Variants in INTS9 observed in about 807,000 individuals in gnomAD.
INTS9 encodes protein related to CPSF subunits of 74 kDa.
INTS9 carries 55 observed loss-of-function variants against 79.7 expected under a neutral mutation model. That is an observed-to-expected ratio of 0.69 (90% CI 0.56 to 0.86). The LOEUF is 0.86. Ranked by LOEUF, INTS9 falls within the 40% of genes least tolerant of loss-of-function variation. The pLI is 0.00. For synonymous variants in INTS9, 319 were observed against 325.2 expected (o/e 0.98, Z 0.20); for missense variants, 721 against 831.5 (o/e 0.87, Z 1.64).
chr8:28,850,380 T>C (rs1204456969), intron 2 of INTS9, 107 bp from the exon 3 acceptor site: 1 of 753,312 alleles, frequency 1.3e-6, no homozygotes, highest in African/African-American at 1.8e-5. Context: ...TTAAAATTAC[T>C]GGCAGTAGTT....
At chr8:28,877,056 C>A (rs1279315211) in intron 1 of INTS9, among the ~76,000 whole-genome samples, 1 of 151,982 alleles carries the variant, frequency 6.6e-6, no homozygotes, top group Non-Finnish European at 1.5e-5. Flanking sequence ...AATAAAAACA[C>A]AAAAAGGATT....
chr8:28,888,126 G>C (rs941444949), intron 1 of INTS9, among the ~76,000 whole-genome samples: 2 of 152,160 alleles, frequency 1.3e-5, no homozygotes, highest in African/African-American at 2.4e-5. Flanking sequence ...TTTCATGGAA[G>C]GCCCTGGCTT....
In INTS9 at chr8:28,860,018, C is replaced by T. The variant is rs138508773; in HGVS notation, c.10-455G>A. On this transcript the variant is annotated intron_variant, in intron 1 of 16. Coordinates refer to ENST00000521022, the MANE Select transcript of INTS9 (RefSeq NM_018250.4). ...ATAAGTGACCTTCCTCAAAGAGGAA[C>T]TGGTTAGAAAGGTTAACTAACAAGC... is the stretch of plus-strand genomic sequence containing the variant. Among the ~76,000 whole-genome samples the T allele has an allele frequency of 2.7e-3, 408 of 151,098 alleles. 1 individual carries two copies. The highest frequency in any genetic ancestry group is 9.8e-3 in the African/African-American group (397 of 40,386).
At chr8:28,796,055 A>G (rs906503499) in intron 9 of INTS9, among the ~76,000 whole-genome samples, 3 of 152,228 alleles carry the variant, frequency 2.0e-5, no homozygotes, top group African/African-American at 7.2e-5. Flanking sequence ...CATGCCGGAA[A>G]TCCCAGCATT....
At chr8:28,769,823 G>T in intron 16 of INTS9, 66 bp downstream of exon 16, 2 of 1,586,440 alleles carry the variant, frequency 1.3e-6, no homozygotes, top group East Asian at 4.5e-5. Context: ...CAGCCAGGGG[G>T]CCATAGTGAG....
chr8:28,800,251 T>C (rs962280904), intron 8 of INTS9, among the ~76,000 whole-genome samples: 2 of 152,122 alleles, frequency 1.3e-5, no homozygotes, highest in Non-Finnish European at 2.9e-5. Context: ...AACGTCAGAA[T>C]TTCACACTGG....
intron 6 of INTS9, among the ~76,000 whole-genome samples, chr8:28,832,435 T>C (rs182871298): frequency 6.6e-6 from 1 of 152,294 alleles, no homozygotes; most frequent in African/African-American, 2.4e-5. Context: ...CAGGAGAAAG[T>C]GTGCACAGAT....
intron 6 of INTS9, among the ~76,000 whole-genome samples, chr8:28,829,025 A>C (rs2131142615): frequency 6.6e-6 from 1 of 152,296 alleles, no homozygotes; most frequent in East Asian, 1.9e-4. Context: ...GCCACATTTT[A>C]AGTTGTAAGT....
chr8:28,880,861 G>A, intron 1 of INTS9, among the ~76,000 whole-genome samples: 5 of 148,162 alleles, frequency 3.4e-5, no homozygotes, highest in Admixed American at 3.3e-4. Flanking sequence ...GAGCGTCTCT[G>A]CCCGGCCGCC....
At chr8:28,782,829 C>T (rs922673304) in intron 11 of INTS9, among the ~76,000 whole-genome samples, 2 of 152,040 alleles carry the variant, frequency 1.3e-5, no homozygotes, top group African/African-American at 4.8e-5. Flanking sequence ...GATTGCAACG[C>T]TGTATTCTGG....
At chr8:28,851,308 A>C (rs1807817310) in intron 2 of INTS9, among the ~76,000 whole-genome samples, 1 of 152,082 alleles carries the variant, frequency 6.6e-6, no homozygotes, top group Non-Finnish European at 1.5e-5. Flanking sequence ...GTCAACACAA[A>C]AGCATAAATA....
intron 1 of INTS9, among the ~76,000 whole-genome samples, chr8:28,880,383 C>T (rs28570670): frequency 6.6e-6 from 1 of 152,046 alleles, no homozygotes; most frequent in African/African-American, 2.4e-5. Flanking sequence ...CTCAGCCTGC[C>T]GAGTGCCTGC....
intron 12 of INTS9, among the ~76,000 whole-genome samples, chr8:28,779,925 G>C (rs1044905477): frequency 1.3e-5 from 2 of 152,122 alleles, no homozygotes; most frequent in African/African-American, 4.8e-5. Flanking sequence ...CATGTGCCGG[G>C]TTCTGTGCCT....
chr8:28,778,073 G>T, intron 12 of INTS9, 120 bp from the exon 13 acceptor site: 2 of 1,117,792 alleles, frequency 1.8e-6, no homozygotes, highest in South Asian at 3.6e-5. Context: ...GAGCCAGGAA[G>T]CACACGTGGG....
chr8:28,862,332 C>T (rs1808505472), intron 1 of INTS9: 4 of 613,424 alleles, frequency 6.5e-6, no homozygotes, highest in African/African-American at 2.0e-5. Flanking sequence ...TTTTAGTATT[C>T]ACACTGCTGT....
In INTS9 at chr8:28,792,048, G is replaced by T. The variant is rs137879607; in HGVS notation, c.1037+1759C>A. On this transcript the variant is annotated intron_variant, in intron 10 of 16. Coordinates refer to ENST00000521022, the MANE Select transcript of INTS9 (RefSeq NM_018250.4). ...TAATGGAGAAATGTACTTTACCACA[G>T]AGTACAATTATAAGTGAGGCTGCAG... Among the ~76,000 whole-genome samples, 272 of 152,322 alleles carry T rather than the reference G, an allele frequency of 1.8e-3. 1 individual carries two copies. The highest frequency in any genetic ancestry group is 6.2e-3 in the African/African-American group (259 of 41,578).
intron 1 of INTS9, among the ~76,000 whole-genome samples, chr8:28,869,846 T>G (rs1055443237): frequency 6.6e-5 from 10 of 151,954 alleles, no homozygotes; most frequent in Admixed American, 3.9e-4. Flanking sequence ...GGTTGAAGAG[T>G]GGCTAGATAT....
chr8:28,838,210 T>TGG (rs1806928621), intron 4 of INTS9, among the ~76,000 whole-genome samples: 1 of 151,542 alleles, frequency 6.6e-6, no homozygotes, highest in Non-Finnish European at 1.5e-5. Context: ...AGAAACCAGC[T>TGG]CTTCAAAAGC....
chr8:28,770,203 G>A (rs1215351771), intron 15 of INTS9, among the ~76,000 whole-genome samples, 177 bp from the exon 16 acceptor site: 4 of 152,240 alleles, frequency 2.6e-5, no homozygotes, highest in African/African-American at 4.8e-5. Context: ...AGATCCACGC[G>A]CTCTAATGCT....
Sources: gnomAD v4.1 joint callset for allele counts (sites outside exome capture counted in the v4.1 genomes callset) on GRCh38, gnomAD v4.1.1 for gene constraint, MANE v1.5 for transcripts, NCBI Gene and HGNC (gene_info 2026-07-23, HGNC 2026-07-21) for gene names.